Variants in TNNI2 observed in about 807,000 individuals in gnomAD.
TNNI2 encodes the protein troponin I2, fast skeletal type, also known as troponin I, fast skeletal muscle.
TNNI2 carries 14 observed loss-of-function variants against 26.5 expected under a neutral mutation model. The ratio of observed to expected loss-of-function variants is 0.53; its 90% CI spans 0.35 to 0.83. The LOEUF is 0.83. Ranked by LOEUF, TNNI2 falls within the 40% of genes least tolerant of loss-of-function variation. The probability of loss-of-function intolerance (pLI) is 0.01; values close to 1 mark genes in which losing one functional copy is unlikely to be tolerated. For missense variants in TNNI2, 205 were observed against 248.5 expected (o/e 0.82, Z 1.18); for synonymous variants, 126 against 97.6 (o/e 1.29, Z -1.71).
At position 1,840,623 on chromosome 11, in the gene TNNI2, G is replaced by A. The variant is rs536212145; in HGVS notation, c.153G>A (p.Pro51=). The A allele has an allele frequency of 1.4e-5, 23 of 1,612,884 alleles. No homozygotes were observed. The highest frequency in any genetic ancestry group is 2.7e-5 in the African/African-American group (2 of 75,074). The change falls in exon 5 of 8, where the codon CCG becomes CCA. Residue 51 remains proline (P), a synonymous_variant. Transcript: ENST00000381911. ...ACTACCTGGCGGAGCACTGCCCGCC[G>A]CTGCATATCCCGGGCTCCATGTCTG... is the stretch of plus-strand genomic sequence containing the variant. ...KQNYLAEHCP[P]LHIPGSMSEV...
Position 1,840,524 on chromosome 11 carries a change from G to T in TNNI2, c.58-4G>T, listed in dbSNP as rs373407613. 3 of 1,611,584 alleles carry T rather than the reference G, an allele frequency of 1.9e-6. No homozygotes were observed. The highest frequency in any genetic ancestry group is 2.5e-6 in the Non-Finnish European group (3 of 1,179,462). The stretch of plus-strand genomic sequence containing the variant: ...GCAGCCCCTCACCGCCTGCCCCACC[G>T]CAGAGTGTGATGCTGCAGATAGCGG... On this transcript the variant is annotated splice_polypyrimidine_tract_variant and splice_region_variant and intron_variant, in intron 4 of 7. Coordinates refer to ENST00000381911, the MANE Select transcript of TNNI2 (RefSeq NM_003282.4).
Position 1,840,889 on chromosome 11 carries a change from T to G in TNNI2, c.257T>G (p.Val86Gly). 3.1e-6 allele frequency: 5 copies of G among 1,612,886 alleles called. No homozygotes were observed. In the Middle Eastern group the frequency reaches 5.0e-4, roughly 161 times the overall value. ...EEEKYDMEVRVQKTSKELEDM... is the reference protein window; with the variant it reads ...EEEKYDMEVRGQKTSKELEDM... ...GAGAAGTACGACATGGAGGTGAGGG[T>G]GCAGAAGACCAGCAAGGAGGTGAGT... The change falls in exon 6 of 8, where the codon GTG becomes GGG. Residue 86 changes from valine to glycine, a missense_variant. Val to Gly is a moderately radical substitution (Grantham distance 109, BLOSUM62 -3). Coordinates refer to ENST00000381911, the MANE Select transcript of TNNI2 (RefSeq NM_003282.4).
Position 1,841,063 on chromosome 11 carries a change from G to T in TNNI2, c.309G>T (p.Leu103=), listed in dbSNP as rs778848363. The change falls in exon 7 of 8, where the codon CTG becomes CTT. Residue 103 remains leucine (L), a synonymous_variant. Transcript: ENST00000381911. Reference sequence around the variant, plus strand: ...ACATGAACCAGAAGCTATTTGATCTGCGGGGCAAGTTCAAGCGGCCCCCAC... The same window carrying T: ...ACATGAACCAGAAGCTATTTGATCTTCGGGGCAAGTTCAAGCGGCCCCCAC... ...LEDMNQKLFD[L]RGKFKRPPLR... is the part of the protein sequence containing the mutation. The T allele has an allele frequency of 2.5e-6, 4 of 1,613,022 alleles. No individual in the cohort carries two copies. The highest frequency in any genetic ancestry group is 2.5e-6 in the Non-Finnish European group (3 of 1,179,948).
At position 1,841,556 on chromosome 11, in the gene TNNI2, C is replaced by T; in HGVS notation, c.*5C>T. 1.1e-5 allele frequency: 17 copies of T among 1,613,756 alleles called. No individual in the cohort carries two copies. The highest frequency in any genetic ancestry group is 1.4e-5 in the Non-Finnish European group (17 of 1,179,716). Reference sequence around the variant, plus strand: ...ATGTTTGAGTCCGAGTCCTAGGCCACTCGCTGCCCCTACGCCTGCCCCGGT... The same window carrying T: ...ATGTTTGAGTCCGAGTCCTAGGCCATTCGCTGCCCCTACGCCTGCCCCGGT... On this transcript the variant is annotated 3_prime_UTR_variant, in exon 8 of 8. Coordinates refer to ENST00000381911, the MANE Select transcript of TNNI2 (RefSeq NM_003282.4).
At position 1,841,669 on chromosome 11, in the gene TNNI2, T is replaced by G; in HGVS notation, c.*118T>G. Reference sequence around the variant, plus strand: ...TCACCACCACCGTCAATAAAGGATTTGAATCCCCATGGCTGGTCTGGTCTG... The same window carrying G: ...TCACCACCACCGTCAATAAAGGATTGGAATCCCCATGGCTGGTCTGGTCTG... On this transcript the variant is annotated 3_prime_UTR_variant, in exon 8 of 8. Coordinates refer to ENST00000381911, the MANE Select transcript of TNNI2 (RefSeq NM_003282.4). 1.1e-6 allele frequency: 1 copy of G among 915,634 alleles called. No homozygotes were observed. The highest frequency in any genetic ancestry group is 1.7e-6 in the Non-Finnish European group (1 of 575,646). The allele number at this position is 915,634 out of a possible 1,614,324, so 56.7% of individuals were successfully genotyped here.
At chr11:1,840,256 C>T (rs572144521) in intron 3 of TNNI2, 147 bp from the exon 4 acceptor site, 1 of 1,549,918 alleles carries the variant, frequency 6.5e-7, no homozygotes, top group Admixed American at 2.0e-5. Flanking sequence ...GCCAGGGAGG[C>T]CCAGCCTGCC....
intron 6 of TNNI2, 21 bp downstream of exon 6, chr11:1,840,929 G>A (rs769684211): frequency 1.4e-5 from 23 of 1,607,520 alleles, no homozygotes; most frequent in Non-Finnish European, 1.7e-5. Context: ...GCGGCGGGCC[G>A]GCGGCAGGCG....
At chr11:1,840,154 C>T in intron 3 of TNNI2, 2 of 1,540,058 alleles carry the variant, frequency 1.3e-6, no homozygotes, top group Admixed American at 2.0e-5. Flanking sequence ...AACTGGCCCT[C>T]CTCTCCCCCA....
chr11:1,839,471 C>T, intron 1 of TNNI2: 1 of 537,104 alleles, frequency 1.9e-6, no homozygotes, highest in Non-Finnish European at 3.4e-6. Flanking sequence ...ATTTTGGGAA[C>T]ACTTTCTCCT....
chr11:1,841,073 T>C lies in TNNI2; in HGVS notation c.319T>C (p.Phe107Leu), dbSNP rs892579399. 6.2e-7 allele frequency: 1 copy of C among 1,613,080 alleles called. No individual in the cohort carries two copies. The highest frequency in any genetic ancestry group is 8.5e-7 in the Non-Finnish European group (1 of 1,179,922). Residue 107 changes from phenylalanine to leucine, a missense_variant, in exon 7 of 8, where the codon TTC (phenylalanine) becomes CTC (leucine). Transcript: ENST00000381911. ...GAAGCTATTTGATCTGCGGGGCAAG[T>C]TCAAGCGGCCCCCACTGCGGAGGGT... ...NQKLFDLRGK[F>L]KRPPLRRVRM...
chr11:1,840,797 C>T (rs1402686345), intron 5 of TNNI2, 22 bp from the exon 6 acceptor site: 2 of 1,605,706 alleles, frequency 1.2e-6, no homozygotes, highest in South Asian at 1.1e-5. Flanking sequence ...GGACGGCCGC[C>T]CGCCCCCACA....
In TNNI2 at chr11:1,841,441, C is replaced by A; in HGVS notation, c.454-15C>A. The stretch of plus-strand genomic sequence containing the variant: ...GTGGGTGAGCCTGAGCTCTCTCCTG[C>A]CCTCTCCTCCACAGGAGCGGGACCT... On this transcript the variant is annotated splice_polypyrimidine_tract_variant and intron_variant, in intron 7 of 7. Transcript: ENST00000381911. 1 of 1,613,310 alleles carries A rather than the reference C, an allele frequency of 6.2e-7. No homozygotes were observed. The highest frequency in any genetic ancestry group is 8.5e-7 in the Non-Finnish European group (1 of 1,179,350).
chr11:1,840,053 G>T, intron 3 of TNNI2, 198 bp downstream of exon 3: 1 of 1,062,116 alleles, frequency 9.4e-7, no homozygotes, highest in Non-Finnish European at 1.4e-6. Context: ...TGGGGCAGGG[G>T]AAGTGTGGCT....
Position 1,840,522 on chromosome 11 carries a change from C to T in TNNI2, c.58-6C>T, listed in dbSNP as rs1357041744. 6 of 1,611,818 alleles carry T rather than the reference C, an allele frequency of 3.7e-6. No individual in the cohort carries two copies. Among genetic ancestry groups the T allele is most frequent in the Non-Finnish European group, 5.1e-6 (6 of 1,179,558 alleles). ...CTGCAGCCCCTCACCGCCTGCCCCACCGCAGAGTGTGATGCTGCAGATAGC... is the reference window on the plus strand; with the variant it reads ...CTGCAGCCCCTCACCGCCTGCCCCATCGCAGAGTGTGATGCTGCAGATAGC... On this transcript the variant is annotated splice_polypyrimidine_tract_variant and splice_region_variant and intron_variant, in intron 4 of 7. Coordinates refer to ENST00000381911, the MANE Select transcript of TNNI2 (RefSeq NM_003282.4).
At position 1,839,473 on chromosome 11, in the gene TNNI2, C is replaced by G. The variant is rs894981949; in HGVS notation, c.-22-202C>G. The G allele has an allele frequency of 2.7e-5, 16 of 586,094 alleles. No homozygotes were observed. The African/African-American group carries it at 2.8e-4, about 10-fold the overall frequency. 36.3% of individuals were successfully genotyped at this position (586,094 alleles called of 1,614,324 possible). A position where few individuals can be genotyped will look rare whatever the true frequency, so the allele number is the denominator to read the frequency against. On this transcript the variant is annotated intron_variant, in intron 1 of 7. Coordinates refer to ENST00000381911, the MANE Select transcript of TNNI2 (RefSeq NM_003282.4). ...CTATGCCTGGGACATTTTGGGAACA[C>G]TTTCTCCTCTTACTTCTCACCCTGG...
intron 2 of TNNI2, 55 bp from the exon 3 acceptor site, chr11:1,839,794 G>C: frequency 6.2e-7 from 1 of 1,613,332 alleles, no homozygotes; most frequent in South Asian, 1.1e-5. Context: ...GCCAGCCATG[G>C]CCCTAACCTC....
At chr11:1,840,362 C>T (rs1847135800) in intron 3 of TNNI2, 41 bp from the exon 4 acceptor site, 1 of 1,588,648 alleles carries the variant, frequency 6.3e-7, no homozygotes, top group Non-Finnish European at 8.6e-7. Context: ...GTGCTCCAGG[C>T]CTGGAGGCCC....
intron 3 of TNNI2, chr11:1,840,184 C>A: frequency 6.4e-7 from 1 of 1,551,104 alleles, no homozygotes; most frequent in Non-Finnish European, 8.7e-7. Flanking sequence ...CTCCCAGCAC[C>A]ATGTGCCACC....
chr11:1,839,424 C>T (rs978381147), intron 1 of TNNI2: 7 of 503,338 alleles, frequency 1.4e-5, no homozygotes, highest in South Asian at 2.3e-5. Context: ...CACCCTCCCT[C>T]GGGGACAGCT....
Sources: allele counts gnomAD v4.1 joint callset, GRCh38; gene constraint gnomAD v4.1.1; transcripts MANE v1.5; gene names NCBI Gene and HGNC (gene_info 2026-07-23, HGNC 2026-07-21).